Variants in BCKDHB observed in about 807,000 individuals in gnomAD.
The protein encoded by BCKDHB is branched chain keto acid dehydrogenase E1 subunit beta.
A neutral mutation model predicts 48.5 loss-of-function variants in BCKDHB; 41 were observed. The ratio of observed to expected loss-of-function variants is 0.85; its 90% CI spans 0.66 to 1.10. BCKDHB has a LOEUF of 1.10. Among genes scored for constraint, BCKDHB ranks in the 50% least tolerant of loss-of-function variants. The pLI is 0.00. For synonymous variants in BCKDHB, 201 were observed against 174.8 expected, an observed-to-expected ratio of 1.15 and a Z score of -1.18; for missense variants, 496 against 494.2, an observed-to-expected ratio of 1.00 and a Z score of -0.03.
intron 9 of BCKDHB, among the ~76,000 whole-genome samples, chr6:80,340,864 G>T (rs1431899709): frequency 6.6e-6 from 1 of 152,136 alleles, no homozygotes; most frequent in Admixed American, 6.5e-5. Flanking sequence ...GCTGAACAAG[G>T]TGTTCTGTTT....
chr6:80,421,295 T>C, the BCKDHB span, among the ~76,000 whole-genome samples: 1 of 152,224 alleles, frequency 6.6e-6, no homozygotes, highest in African/African-American at 2.4e-5. Context: ...TCCTGAGGCC[T>C]CCCCAGCCGT....
At chr6:80,215,673 G>A (rs1215020428) in intron 8 of BCKDHB, among the ~76,000 whole-genome samples, 1 of 152,168 alleles carries the variant, frequency 6.6e-6, no homozygotes, top group Non-Finnish European at 1.5e-5. Flanking sequence ...TTTTTATTAT[G>A]ATTTACATTT....
At chr6:80,141,279 C>G (rs1562081708) in intron 3 of BCKDHB, among the ~76,000 whole-genome samples, 2 of 151,566 alleles carry the variant, frequency 1.3e-5, no homozygotes, top group Non-Finnish European at 3.0e-5. Context: ...AATTAAAAAC[C>G]CTTCAAAAAT....
the BCKDHB span, among the ~76,000 whole-genome samples, chr6:80,413,914 C>T: frequency 3.3e-5 from 5 of 152,200 alleles, no homozygotes; most frequent in South Asian, 8.3e-4. Flanking sequence ...TACACTCCTA[C>T]GAATGTTGCC....
intron 9 of BCKDHB, among the ~76,000 whole-genome samples, chr6:80,309,465 C>T (rs1353029801): frequency 6.6e-6 from 1 of 152,140 alleles, no homozygotes; most frequent in Non-Finnish European, 1.5e-5. Context: ...CTCATCCTTT[C>T]TATAGTCTCA....
At chr6:80,409,606 ATAT>A in the BCKDHB span, among the ~76,000 whole-genome samples, 1 of 66,610 alleles carries the variant, frequency 1.5e-5, no homozygotes, top group Non-Finnish European at 2.6e-5. Context: ...ATATATATAT[ATAT>A]ATATATATAT....
chr6:80,313,980 A>T (rs964428640), intron 9 of BCKDHB, among the ~76,000 whole-genome samples: 2 of 152,128 alleles, frequency 1.3e-5, no homozygotes, highest in Non-Finnish European at 2.9e-5. Context: ...CTTTGTTCTC[A>T]TTAGTTTCAA....
the BCKDHB span, among the ~76,000 whole-genome samples, chr6:80,354,391 C>A: frequency 2.9e-3 from 439 of 152,204 alleles, 2 homozygotes; most frequent in Middle Eastern, 0.017. Flanking sequence ...TCATGCCCAG[C>A]TAATTTTTTT....
At chr6:80,380,430 T>A in the BCKDHB span, among the ~76,000 whole-genome samples, 186 of 152,028 alleles carry the variant, frequency 1.2e-3, no homozygotes, top group Middle Eastern at 0.014. Context: ...TATAAAAAAA[T>A]TAACTCAAGA....
At chr6:80,384,938 C>T in the BCKDHB span, among the ~76,000 whole-genome samples, 8 of 152,184 alleles carry the variant, frequency 5.3e-5, no homozygotes, top group South Asian at 1.2e-3. Context: ...TAGGACTATA[C>T]GTCTAATAGT....
chr6:80,244,246 A>G (rs1229587183), intron 8 of BCKDHB, among the ~76,000 whole-genome samples: 1 of 152,200 alleles, frequency 6.6e-6, no homozygotes, highest in Non-Finnish European at 1.5e-5. Context: ...GTGTGTGTGC[A>G]TGTATGTGTG....
intron 3 of BCKDHB, among the ~76,000 whole-genome samples, chr6:80,132,187 C>T (rs1276224310): frequency 6.6e-6 from 1 of 151,778 alleles, no homozygotes; most frequent in African/African-American, 2.4e-5. Context: ...CTGGTAGACT[C>T]CTATTTCTTC....
the BCKDHB span, among the ~76,000 whole-genome samples, chr6:80,446,750 G>A: frequency 2.2e-5 from 3 of 133,432 alleles, no homozygotes; most frequent in Non-Finnish European, 4.7e-5. Context: ...TTTTGGTCAG[G>A]AGCATTCTCT....
the BCKDHB span, among the ~76,000 whole-genome samples, chr6:80,423,740 T>C: frequency 1.3e-5 from 2 of 152,234 alleles, no homozygotes; most frequent in Admixed American, 6.5e-5. Context: ...TCTGAACTTA[T>C]AACAGTGTCT....
chr6:80,422,684 T>C, the BCKDHB span, among the ~76,000 whole-genome samples: 2 of 152,286 alleles, frequency 1.3e-5, no homozygotes, highest in Admixed American at 6.5e-5. Flanking sequence ...TATTTTAAAA[T>C]GTTAAGATTT....
chr6:80,234,829 T>TA (rs1776080400), intron 8 of BCKDHB, among the ~76,000 whole-genome samples: 2 of 150,576 alleles, frequency 1.3e-5, no homozygotes, highest in Admixed American at 6.6e-5. Context: ...AGACAATGTT[T>TA]TATATATATA....
At chr6:80,310,816 T>C (rs1397663084) in intron 9 of BCKDHB, among the ~76,000 whole-genome samples, 5 of 152,202 alleles carry the variant, frequency 3.3e-5, no homozygotes, top group African/African-American at 7.2e-5. Context: ...TGGTATTTCA[T>C]TGGGGTTTTG....
intron 5 of BCKDHB, chr6:80,170,079 A>G (rs1772826813): frequency 2.8e-6 from 1 of 362,962 alleles, no homozygotes; most frequent in African/African-American, 2.2e-5. Flanking sequence ...AAATATACTT[A>G]AAGTACAAAA....
chr6:80,234,586 A>G (rs1419896766), intron 8 of BCKDHB, among the ~76,000 whole-genome samples: 2 of 152,194 alleles, frequency 1.3e-5, no homozygotes, highest in East Asian at 1.9e-4. Context: ...TACATTGTTG[A>G]TGGGAACATA....
Sources: allele counts gnomAD v4.1 joint callset (sites outside exome capture counted in the v4.1 genomes callset), GRCh38; gene constraint gnomAD v4.1.1; transcripts MANE v1.5; gene names NCBI Gene and HGNC (gene_info 2026-07-23, HGNC 2026-07-21).